PTPN21: variants seen among roughly 807,000 people sequenced by gnomAD.
PTPN21 encodes the protein protein tyrosine phosphatase non-receptor type 21, also known as tyrosine-protein phosphatase non-receptor type 21.
In PTPN21, 77 loss-of-function variants were observed where a neutral mutation model predicts 131.8. The observed-to-expected ratio is 0.58, with a 90% CI of 0.49 to 0.71. The LOEUF (loss-of-function observed/expected upper bound fraction) is 0.71. Ranked by LOEUF, PTPN21 falls within the 30% of genes least tolerant of loss-of-function variation. PTPN21 has a pLI of 0.00. For synonymous variants in PTPN21, 715 were observed against 621.3 expected (o/e 1.15, Z -2.24); for missense variants, 1,552 against 1,527.1 (o/e 1.02, Z -0.27).
chr14:88,479,111 T>G lies in PTPN21; in HGVS notation c.2320A>C (p.Ser774Arg). 1.3e-6 allele frequency: 2 copies of G among 1,568,510 alleles called. No individual in the cohort carries two copies. Among genetic ancestry groups the G allele is most frequent in the Non-Finnish European group, 1.7e-6 (2 of 1,158,812 alleles). Residue 774 changes from serine (S) to arginine (R), a missense_variant, in exon 13 of 19, where the codon AGC becomes CGC. Around this residue, in one of 4 missense-constraint regions of PTPN21, gnomAD observed 1,016 missense variants for 883.5 expected, o/e 1.15. Transcript: ENST00000556564. The part of the protein sequence containing the change: ...VPDAEKRMMD[S>R]SPVRTTAEAQ... ...TCTGCGGTCGTGCGGACGGGGCTGC[T>G]GTCCATCATCCTCTTCTCCGCGTCT...
At chr14:88,518,550 C>T (rs1178419569) in intron 2 of PTPN21, among the ~76,000 whole-genome samples, 6 of 144,430 alleles carry the variant, frequency 4.2e-5, no homozygotes, top group African/African-American at 1.5e-4. Flanking sequence ...CCTGCCTCAG[C>T]CTCCAGAGTA....
rs144270668 is a variant in PTPN21 at position 88,550,253 on chromosome 14, C to T, written c.165G>A (p.Arg55=). The part of the protein sequence containing the change: ...GQESLEAVAQ[R]LELREVTYFS... ...GGTGGCTTACCTCCCGCAGCTCCAG[C>T]CTCTGGGCCACGGCCTCGAGGCTTT... Residue 55 remains arginine (R), a synonymous_variant, in exon 2 of 19, where the codon AGG becomes AGA. Transcript: ENST00000556564. The T allele has an allele frequency of 5.1e-5, 82 of 1,613,862 alleles. No homozygotes were observed. In the East Asian group the frequency reaches 6.2e-4, roughly 12 times the overall value.
intron 12 of PTPN21, among the ~76,000 whole-genome samples, chr14:88,483,555 C>A (rs1033838691): frequency 3.3e-5 from 5 of 152,154 alleles, no homozygotes; most frequent in Admixed American, 6.5e-5. Flanking sequence ...ACAGTCACAT[C>A]CCACCTTCTG....
intron 12 of PTPN21, among the ~76,000 whole-genome samples, chr14:88,484,872 T>C (rs1408965518): frequency 4.5e-5 from 6 of 132,918 alleles, no homozygotes; most frequent in South Asian, 5.3e-4. Context: ...GGGTGACACA[T>C]TGAGACTCTG....
intron 6 of PTPN21, among the ~76,000 whole-genome samples, chr14:88,501,605 T>G (rs972711580): frequency 6.6e-6 from 1 of 152,042 alleles, no homozygotes; most frequent in Non-Finnish European, 1.5e-5. Flanking sequence ...AGTGGGAAGG[T>G]GGGGGATAAA....
At chr14:88,530,908 G>A (rs529868329) in intron 2 of PTPN21, among the ~76,000 whole-genome samples, 1 of 152,094 alleles carries the variant, frequency 6.6e-6, no homozygotes, top group South Asian at 2.1e-4. Flanking sequence ...AAGAAACAAT[G>A]GACTTAAACT....
chr14:88,528,553 C>T (rs543978775), intron 2 of PTPN21, among the ~76,000 whole-genome samples: 1 of 152,366 alleles, frequency 6.6e-6, no homozygotes, highest in East Asian at 1.9e-4. Flanking sequence ...CAAATCTCAT[C>T]TTGAATTCCC....
chr14:88,501,868 C>T (rs1489339748), intron 6 of PTPN21, among the ~76,000 whole-genome samples: 2 of 151,806 alleles, frequency 1.3e-5, no homozygotes, highest in Non-Finnish European at 2.9e-5. Flanking sequence ...ATCTATAGTC[C>T]CAGCAGCTTG....
rs1036366474 is a variant in PTPN21 at position 88,533,437 on chromosome 14, G to A, written c.181-16176C>T. Among the ~76,000 whole-genome samples the A allele has an allele frequency of 2.4e-4, 36 of 152,212 alleles. No individual in the cohort carries two copies. In the East Asian group the frequency reaches 6.6e-3, roughly 28 times the overall value. The stretch of plus-strand genomic sequence containing the variant: ...TTACTCACATGTCTGTAGTGATGCT[G>A]GTATAAACAAACCTATCGTGCTACC... On this transcript the variant is annotated intron_variant, in intron 2 of 18. Transcript: ENST00000556564.
At chr14:88,491,668 T>C (rs546187748) in intron 10 of PTPN21, among the ~76,000 whole-genome samples, 1 of 152,334 alleles carries the variant, frequency 6.6e-6, no homozygotes, top group Admixed American at 6.5e-5. Context: ...ATTTACTTTA[T>C]GTGGGAAACA....
At chr14:88,517,545 T>C (rs1157801069) in intron 2 of PTPN21, among the ~76,000 whole-genome samples, 1 of 151,828 alleles carries the variant, frequency 6.6e-6, no homozygotes, top group Non-Finnish European at 1.5e-5. Flanking sequence ...CACTGGAATG[T>C]AGTGGCGGCT....
Position 88,496,422 on chromosome 14 carries a change from T to C in PTPN21, c.923A>G (p.Gln308Arg). Residue 308 changes from glutamine to arginine, a missense_variant, in exon 10 of 19, where the codon CAG (glutamine) becomes CGG (arginine). Around this residue, in one of 4 missense-constraint regions of PTPN21, gnomAD observed 1,016 missense variants for 883.5 expected, o/e 1.15. Transcript: ENST00000556564. ...AGCAGGACATACTTACAGGTTACACTGGTTTAGTCTGTAAAACTTGTGTCG... is the reference window on the plus strand; with the variant it reads ...AGCAGGACATACTTACAGGTTACACCGGTTTAGTCTGTAAAACTTGTGTCG... The part of the protein sequence containing the change: ...VARHKFYRLN[Q>R]CNLQTQTVTV... 1 of 1,611,398 alleles carries C rather than the reference T, an allele frequency of 6.2e-7. No homozygotes were observed. The highest frequency in any genetic ancestry group is 8.5e-7 in the Non-Finnish European group (1 of 1,177,622).
At position 88,496,509 on chromosome 14, in the gene PTPN21, G is replaced by A; in HGVS notation, c.853-17C>T. Reference sequence around the variant, plus strand: ...CATGTCTTCCTAGCAAACAAAATAGGCATAAAGCAATATGAAAGCACACAT... The same window carrying A: ...CATGTCTTCCTAGCAAACAAAATAGACATAAAGCAATATGAAAGCACACAT... On this transcript the variant is annotated splice_polypyrimidine_tract_variant and intron_variant, in intron 9 of 18. Transcript: ENST00000556564. The A allele has an allele frequency of 6.3e-7, 1 of 1,589,978 alleles. No individual in the cohort carries two copies. The highest frequency in any genetic ancestry group is 2.2e-5 in the East Asian group (1 of 44,680).
Position 88,472,253 on chromosome 14 carries a change from T to C in PTPN21, c.2862A>G (p.Ser954=), listed in dbSNP as rs1371066972. 1.2e-6 allele frequency: 2 copies of C among 1,605,738 alleles called. No individual in the cohort carries two copies. The highest frequency in any genetic ancestry group is 4.5e-5 in the East Asian group (2 of 44,832). The change falls in exon 15 of 19, where the codon TCA becomes TCG. Residue 954 remains serine (S), a synonymous_variant. Transcript: ENST00000556564. ...KENNTGYINA[S]HIKVSVSGIE... ...GAGGCGTTCCTCTCACCTTAATATGTGATGCGTTGATGTAACCAGTGTTGT... is the reference window on the plus strand; with the variant it reads ...GAGGCGTTCCTCTCACCTTAATATGCGATGCGTTGATGTAACCAGTGTTGT...
intron 10 of PTPN21, among the ~76,000 whole-genome samples, chr14:88,486,995 A>C (rs1170809574): frequency 6.6e-6 from 1 of 151,850 alleles, no homozygotes; most frequent in African/African-American, 2.4e-5. Context: ...AAAAAAAAAA[A>C]AAGTACCTAA....
In PTPN21 at chr14:88,468,271, T is replaced by C. The variant is rs750996291; in HGVS notation, c.3397-6A>G. 11 of 1,590,994 alleles carry C rather than the reference T, an allele frequency of 6.9e-6. No homozygotes were observed. In the Admixed American group the frequency reaches 7.3e-5, roughly 11 times the overall value. On this transcript the variant is annotated splice_polypyrimidine_tract_variant and splice_region_variant and intron_variant, in intron 18 of 18. Transcript: ENST00000556564. Reference sequence around the variant, plus strand: ...ACTCTCGGGATGTCCAGCACCTAGGTTGAGAGAAACGGTAATGAAGATAAT... The same window carrying C: ...ACTCTCGGGATGTCCAGCACCTAGGCTGAGAGAAACGGTAATGAAGATAAT...
Position 88,479,596 on chromosome 14 carries a change from G to A in PTPN21, c.1835C>T (p.Pro612Leu), listed in dbSNP as rs2077609221. ...GACCTCCTGCAGCGAGTGCGCCACG[G>A]GCAGGCTGTCCTCCTGGAACGTTTG... ...SVQTFQEDSLPVAHSLQEVSE... is the reference protein window; with the variant it reads ...SVQTFQEDSLLVAHSLQEVSE... The change falls in exon 13 of 19, where the codon CCC becomes CTC. Residue 612 changes from proline to leucine, a missense_variant. Physicochemically the swap from Pro to Leu is moderately conservative, Grantham distance 98. Coordinates refer to ENST00000556564, the MANE Select transcript of PTPN21 (RefSeq NM_007039.4). 4 of 1,588,414 alleles carry A rather than the reference G, an allele frequency of 2.5e-6. No individual in the cohort carries two copies. Among genetic ancestry groups the A allele is most frequent in the South Asian group, 1.1e-5 (1 of 89,702 alleles).
intron 2 of PTPN21, among the ~76,000 whole-genome samples, chr14:88,538,797 C>T (rs957846353): frequency 2.6e-5 from 4 of 152,186 alleles, no homozygotes; most frequent in African/African-American, 9.7e-5. Flanking sequence ...GAGCAAGTCA[C>T]TTAATACCTT....
intron 2 of PTPN21, among the ~76,000 whole-genome samples, chr14:88,540,437 G>A (rs964010977): frequency 2.6e-5 from 4 of 152,146 alleles, no homozygotes; most frequent in Non-Finnish European, 4.4e-5. Context: ...CAAATCCCAG[G>A]GAAGTTGGTT....
Sources: gnomAD v4.1 joint callset for allele counts (sites outside exome capture counted in the v4.1 genomes callset) on GRCh38, gnomAD v4.1.1 for gene constraint, gnomAD v4.1.1 regional missense constraint, MANE v1.5 for transcripts, NCBI Gene and HGNC (gene_info 2026-07-23, HGNC 2026-07-21) for gene names.